Variants in CPQ observed in about 807,000 individuals in gnomAD.
The protein encoded by CPQ is carboxypeptidase Q.
CPQ carries 37 observed loss-of-function variants against 45.7 expected under a neutral mutation model. The observed-to-expected ratio is 0.81, with a 90% confidence interval of 0.62 to 1.07. CPQ has a LOEUF of 1.07. Among genes scored for constraint, CPQ ranks in the 50% least tolerant of loss-of-function variants. The pLI, the probability that CPQ is intolerant of heterozygous loss-of-function variation, is 0.00. For missense variants in CPQ, 537 were observed against 572.9 expected (o/e 0.94, Z 0.64); for synonymous variants, 186 against 205.8 (o/e 0.90, Z 0.82).
rs890083920 is a variant in CPQ at position 96,892,209 on chromosome 8, A to G, written c.849+12204A>G. Among the ~76,000 whole-genome samples the G allele has an allele frequency of 2.0e-5, 3 of 152,358 alleles. No homozygotes were observed. In the East Asian group the frequency reaches 5.8e-4, roughly 29 times the overall value. On this transcript the variant is annotated intron_variant, in intron 4 of 7. Transcript: ENST00000220763. ...AATCCCTTTGGAGAACAGCTTTAGCATTGATGCTGTCAAGACCCTTGTCAA... is the reference window on the plus strand; with the variant it reads ...AATCCCTTTGGAGAACAGCTTTAGCGTTGATGCTGTCAAGACCCTTGTCAA...
chr8:96,718,027 C>T (rs1364292386), intron 1 of CPQ, among the ~76,000 whole-genome samples: 1 of 152,190 alleles, frequency 6.6e-6, no homozygotes, highest in Non-Finnish European at 1.5e-5. Context: ...TCAAAACTTC[C>T]CCAGGCCATA....
intron 1 of CPQ, among the ~76,000 whole-genome samples, chr8:96,670,786 A>G (rs2130720198): frequency 6.6e-6 from 1 of 152,150 alleles, no homozygotes; most frequent in Non-Finnish European, 1.5e-5. Context: ...AAGGTTATAT[A>G]CACGTTTCTA....
intron 1 of CPQ, among the ~76,000 whole-genome samples, chr8:96,718,397 T>G (rs1337664455): frequency 6.6e-6 from 1 of 151,858 alleles, no homozygotes; most frequent in Non-Finnish European, 1.5e-5. Context: ...GGCTCAGGAG[T>G]GAAGCTGCAG....
chr8:96,776,792 T>A (rs757549162), intron 1 of CPQ, among the ~76,000 whole-genome samples: 1 of 152,202 alleles, frequency 6.6e-6, no homozygotes, highest in Non-Finnish European at 1.5e-5. Flanking sequence ...AGACAATATA[T>A]GAAAAGCAAA....
intron 4 of CPQ, among the ~76,000 whole-genome samples, chr8:96,933,765 T>G (rs1813006799): frequency 6.6e-6 from 1 of 152,018 alleles, no homozygotes; most frequent in Non-Finnish European, 1.5e-5. Flanking sequence ...TGCTTAGTAA[T>G]AGCAGTGATG....
intron 1 of CPQ, among the ~76,000 whole-genome samples, chr8:96,653,284 T>A (rs1815599039): frequency 6.6e-6 from 1 of 152,090 alleles, no homozygotes; most frequent in South Asian, 2.1e-4. Context: ...TGAGATAGTC[T>A]CATTGCAGTT....
At chr8:96,663,269 G>A (rs1012171614) in intron 1 of CPQ, among the ~76,000 whole-genome samples, 5 of 152,204 alleles carry the variant, frequency 3.3e-5, no homozygotes, top group African/African-American at 1.2e-4. Context: ...ACTGGAGACT[G>A]TCTGGCACAA....
intron 4 of CPQ, among the ~76,000 whole-genome samples, chr8:96,901,900 G>A (rs1433850334): frequency 6.6e-6 from 1 of 152,168 alleles, no homozygotes; most frequent in Non-Finnish European, 1.5e-5. Flanking sequence ...AAAGCTTTGA[G>A]TCCTGAGACC....
At chr8:97,123,177 TATA>T (rs1232256702) in intron 7 of CPQ, among the ~76,000 whole-genome samples, 1 of 23,732 alleles carries the variant, frequency 4.2e-5, no homozygotes, top group African/African-American at 1.9e-4. Context: ...TAAAATAAAA[TATA>T]AAATAAAATA....
At chr8:96,716,775 C>T (rs756012011) in intron 1 of CPQ, among the ~76,000 whole-genome samples, 76 of 151,734 alleles carry the variant, frequency 5.0e-4, no homozygotes, top group Middle Eastern at 3.4e-3. Context: ...GGTGTGTTGG[C>T]GTGGGCCTGT....
intron 1 of CPQ, among the ~76,000 whole-genome samples, chr8:96,754,284 A>G (rs1269441790): frequency 3.3e-5 from 5 of 152,096 alleles, no homozygotes; most frequent in Admixed American, 1.3e-4. Context: ...TCTTTGCTTT[A>G]GGTTTCTCAG....
chr8:96,702,816 G>A (rs1809481602), intron 1 of CPQ, among the ~76,000 whole-genome samples: 1 of 151,922 alleles, frequency 6.6e-6, no homozygotes. Flanking sequence ...GGTGTATTTA[G>A]TGTCACATAT....
intron 4 of CPQ, among the ~76,000 whole-genome samples, chr8:96,888,987 A>G (rs950819507): frequency 6.6e-6 from 1 of 152,106 alleles, no homozygotes; most frequent in Non-Finnish European, 1.5e-5. Flanking sequence ...CCTGTCTCTT[A>G]TATTTTGTTG....
intron 7 of CPQ, among the ~76,000 whole-genome samples, chr8:97,118,919 G>C (rs1811644604): frequency 6.6e-6 from 1 of 151,988 alleles, no homozygotes; most frequent in Non-Finnish European, 1.5e-5. Context: ...ATTTACATTT[G>C]CATACTCTAT....
chr8:96,666,953 G>A lies in CPQ; in HGVS notation c.-35+21551G>A, dbSNP rs114481709. Among the ~76,000 whole-genome samples the A allele has an allele frequency of 2.2e-3, 336 of 152,178 alleles. 1 individual carries two copies. The highest frequency in any genetic ancestry group is 7.7e-3 in the African/African-American group (321 of 41,522). The stretch of plus-strand genomic sequence containing the variant: ...ACTCCCTTCCTTTCCCTTCTATCAA[G>A]TCATTTATCTTCTTCTGAAATAGCT... On this transcript the variant is annotated intron_variant, in intron 1 of 7. Coordinates refer to ENST00000220763, the MANE Select transcript of CPQ (RefSeq NM_016134.4).
rs1019860628 is a variant in CPQ at position 96,862,338 on chromosome 8, GGA to G, written c.642-17450_642-17449del. On this transcript the variant is annotated intron_variant, in intron 3 of 7. Coordinates refer to ENST00000220763, the MANE Select transcript of CPQ (RefSeq NM_016134.4). ...TGTGTGTGTCTGGGAGAGAGAGAAA[GGA>G]GAGAGAGAGGAGAGAAAGACTGGTT... Among the ~76,000 whole-genome samples the G allele has an allele frequency of 1.3e-3, 190 of 150,964 alleles. 1 individual carries two copies. Among genetic ancestry groups the G allele is most frequent in the African/African-American group, 3.8e-3 (158 of 41,142 alleles).
intron 4 of CPQ, among the ~76,000 whole-genome samples, chr8:96,956,744 A>G (rs1813363727): frequency 1.3e-5 from 2 of 152,212 alleles, no homozygotes; most frequent in African/African-American, 2.4e-5. Context: ...ACAAGGATGC[A>G]AGAAAATGAA....
intron 6 of CPQ, among the ~76,000 whole-genome samples, chr8:97,059,446 A>C (rs1299261197): frequency 3.3e-5 from 5 of 152,128 alleles, no homozygotes; most frequent in Admixed American, 1.3e-4. Context: ...AAAATAATTT[A>C]TGTTATCATC....
intron 2 of CPQ, among the ~76,000 whole-genome samples, chr8:96,832,539 G>A (rs1811473081): frequency 6.6e-6 from 1 of 152,126 alleles, no homozygotes; most frequent in Non-Finnish European, 1.5e-5. Context: ...AGTTTAAGGG[G>A]TAGAGAGAGT....
Sources: gnomAD v4.1 joint callset for allele counts (sites outside exome capture counted in the v4.1 genomes callset) on GRCh38, gnomAD v4.1.1 for gene constraint, MANE v1.5 for transcripts, NCBI Gene and HGNC (gene_info 2026-07-23, HGNC 2026-07-21) for gene names.